TCERG1L: variants seen among roughly 807,000 people sequenced by gnomAD.
TCERG1L encodes transcription elongation regulator 1 like.
A neutral mutation model predicts 56.3 loss-of-function variants in TCERG1L; 37 were observed. The observed-to-expected ratio is 0.66, with a 90% CI of 0.51 to 0.87. TCERG1L has a LOEUF of 0.87. TCERG1L is among the 40% of genes least tolerant of loss of function. TCERG1L has a pLI of 0.00. For synonymous variants in TCERG1L, 324 were observed against 326.3 expected (o/e 0.99, Z 0.08); for missense variants, 799 against 774.2 (o/e 1.03, Z -0.38).
chr10:131,239,662 G>T (rs978355290), intron 4 of TCERG1L, among the ~76,000 whole-genome samples: 17 of 152,244 alleles, frequency 1.1e-4, no homozygotes, highest in Non-Finnish European at 2.4e-4. Context: ...GGCTTTTACA[G>T]GATTGGCCGT....
At chr10:131,135,370 G>C (rs10765040) in intron 7 of TCERG1L, among the ~76,000 whole-genome samples, 4 of 151,848 alleles carry the variant, frequency 2.6e-5, no homozygotes, top group Non-Finnish European at 5.9e-5. Flanking sequence ...GAGGGTCTGC[G>C]ATGAAAACAG....
At chr10:131,240,837 C>T (rs1845963880) in intron 4 of TCERG1L, among the ~76,000 whole-genome samples, 1 of 152,154 alleles carries the variant, frequency 6.6e-6, no homozygotes, top group Admixed American at 6.5e-5. Context: ...GATGGTGAGA[C>T]CCAGAGGGAG....
intron 3 of TCERG1L, among the ~76,000 whole-genome samples, chr10:131,297,744 GT>G (rs1309475053): frequency 6.6e-6 from 1 of 152,104 alleles, no homozygotes; most frequent in Non-Finnish European, 1.5e-5. Context: ...TAAATTTACT[GT>G]TTTTATCAGA....
Position 131,093,072 on chromosome 10 carries a change from G to A in TCERG1L, c.*90C>T, listed in dbSNP as rs536817701. ...CCGCTGGGCCGTGCAGGTCTCGGCC[G>A]CCCCACGCCCGTGTCCGTCTCCACC... On this transcript the variant is annotated 3_prime_UTR_variant, in exon 12 of 12. Transcript: ENST00000368642. 39 of 1,450,284 alleles carry A rather than the reference G, an allele frequency of 2.7e-5. No individual in the cohort carries two copies. In the East Asian group the frequency reaches 2.7e-4, roughly 10 times the overall value. The allele number at this position is 1,450,284 out of a possible 1,614,324, so 89.8% of individuals were successfully genotyped here.
chr10:131,203,242 A>G (rs1459991298), intron 4 of TCERG1L, among the ~76,000 whole-genome samples: 1 of 150,974 alleles, frequency 6.6e-6, no homozygotes, highest in Non-Finnish European at 1.5e-5. Flanking sequence ...GCTGGGTGGT[A>G]GATGACCTCA....
At chr10:131,237,968 G>C (rs758568864) in intron 4 of TCERG1L, among the ~76,000 whole-genome samples, 33 of 152,220 alleles carry the variant, frequency 2.2e-4, no homozygotes, top group South Asian at 4.1e-4. Flanking sequence ...TGCCTGCAGA[G>C]CCCTAATGTG....
intron 8 of TCERG1L, among the ~76,000 whole-genome samples, chr10:131,131,995 C>T (rs776371452): frequency 6.6e-6 from 1 of 152,204 alleles, no homozygotes; most frequent in African/African-American, 2.4e-5. Context: ...TGACAATAAC[C>T]TTCCCAAAGA....
rs117934806 is a variant in TCERG1L, at chr10:131,171,556, C to T, written c.857-4671G>A. ...CCCTAAGACCAGCAAATGCTTCTTA[C>T]ATTGAATGAAGTATCAGGAATTTAT... On this transcript the variant is annotated intron_variant, in intron 4 of 11. Transcript: ENST00000368642. Among the ~76,000 whole-genome samples the T allele has an allele frequency of 7.8e-3, 1,184 of 152,310 alleles. 11 individuals carry two copies. Among genetic ancestry groups the T allele is most frequent in the Non-Finnish European group, 0.011 (737 of 68,022 alleles).
At chr10:131,257,006 A>G (rs1221457072) in intron 4 of TCERG1L, among the ~76,000 whole-genome samples, 9 of 133,898 alleles carry the variant, frequency 6.7e-5, no homozygotes, top group East Asian at 4.2e-4. Flanking sequence ...AGAAAGAAAG[A>G]AAGAAAGAAA....
At position 131,104,608 on chromosome 10, in the gene TCERG1L, C is replaced by T. The variant is rs536050954; in HGVS notation, c.1396-254G>A. ...GGGTATCTTTCAGGGGTGTGTCCCC[C>T]GATCTGAAACCCCAATTATACCTGT... On this transcript the variant is annotated intron_variant, in intron 9 of 11. Coordinates refer to ENST00000368642, the MANE Select transcript of TCERG1L (RefSeq NM_174937.4). Among the ~76,000 whole-genome samples the T allele has an allele frequency of 2.3e-3, 357 of 152,224 alleles. 3 individuals carry two copies. The highest frequency in any genetic ancestry group is 0.018 in the South Asian group (88 of 4,822).
intron 4 of TCERG1L, among the ~76,000 whole-genome samples, chr10:131,197,734 A>G (rs1845382387): frequency 6.6e-6 from 1 of 152,234 alleles, no homozygotes. Context: ...GCCCTCTTTT[A>G]GAAAAATAGC....
chr10:131,168,424 C>T (rs1336996819), intron 4 of TCERG1L, among the ~76,000 whole-genome samples: 1 of 152,202 alleles, frequency 6.6e-6, no homozygotes, highest in Non-Finnish European at 1.5e-5. Context: ...GCTGCAGAGC[C>T]AGGTGGTCTG....
At chr10:131,220,868 C>T (rs1229536494) in intron 4 of TCERG1L, among the ~76,000 whole-genome samples, 9 of 152,196 alleles carry the variant, frequency 5.9e-5, no homozygotes, top group African/African-American at 1.7e-4. Context: ...GTGCCCAGTC[C>T]GCCATGCCCT....
intron 8 of TCERG1L, among the ~76,000 whole-genome samples, chr10:131,117,543 T>C (rs916244779): frequency 6.6e-6 from 1 of 152,142 alleles, no homozygotes; most frequent in Non-Finnish European, 1.5e-5. Flanking sequence ...CCTGGAGAAG[T>C]TCCCTCCCAC....
chr10:131,180,837 T>TAAA (rs60303602), intron 4 of TCERG1L, among the ~76,000 whole-genome samples: 412 of 150,106 alleles, frequency 2.7e-3, no homozygotes, highest in East Asian at 7.7e-3. Context: ...AACGTTTTTG[T>TAAA]AAAAAAAAAG....
In TCERG1L at chr10:131,149,094, C is replaced by T. The variant is rs182790686; in HGVS notation, c.1035-2434G>A. Among the ~76,000 whole-genome samples, 400 of 152,386 alleles carry T rather than the reference C, an allele frequency of 2.6e-3. 2 individuals carry two copies. The highest frequency in any genetic ancestry group is 8.7e-3 in the African/African-American group (364 of 41,602). ...TGACCCTGAGAAGGTCGCCTCCCCT[C>T]GCTGGTGGCCTCATGCCCTCAACCC... On this transcript the variant is annotated intron_variant, in intron 6 of 11. Transcript: ENST00000368642.
chr10:131,256,911 G>A (rs1258893469), intron 4 of TCERG1L, among the ~76,000 whole-genome samples: 2 of 145,902 alleles, frequency 1.4e-5, no homozygotes, highest in Non-Finnish European at 1.5e-5. Flanking sequence ...GAAAGACAAA[G>A]AAGGAAGGAA....
intron 3 of TCERG1L, among the ~76,000 whole-genome samples, chr10:131,301,548 A>C (rs752934043): frequency 1.3e-5 from 2 of 152,046 alleles, no homozygotes; most frequent in African/African-American, 2.4e-5. Context: ...AAAAAATGAA[A>C]TTTGATAAAA....
chr10:131,221,654 C>A (rs1845733230), intron 4 of TCERG1L, among the ~76,000 whole-genome samples: 1 of 152,202 alleles, frequency 6.6e-6, no homozygotes, highest in Non-Finnish European at 1.5e-5. Context: ...CGGATCCCGG[C>A]TCCTCTCTAA....
Sources: gnomAD v4.1 joint callset for allele counts (sites outside exome capture counted in the v4.1 genomes callset) on GRCh38, gnomAD v4.1.1 for gene constraint, MANE v1.5 for transcripts, NCBI Gene and HGNC (gene_info 2026-07-23, HGNC 2026-07-21) for gene names.